Variants in KIAA1549L observed in about 807,000 individuals in gnomAD.
KIAA1549L encodes the protein UPF0606 protein KIAA1549L.
KIAA1549L carries 88 observed loss-of-function variants against 160.7 expected under a neutral mutation model. The observed-to-expected ratio is 0.55, with a 90% CI of 0.46 to 0.65. The LOEUF (loss-of-function observed/expected upper bound fraction) is 0.65. KIAA1549L is among the 30% of genes least tolerant of loss of function. KIAA1549L has a pLI of 0.00. For missense variants in KIAA1549L, 2,258 were observed against 2,437.5 expected, an observed-to-expected ratio of 0.93 and a Z score of 1.55; for synonymous variants, 950 against 976.7, an observed-to-expected ratio of 0.97 and a Z score of 0.51.
At position 33,543,512 on chromosome 11, in the gene KIAA1549L, A is replaced by G. The variant is rs775277114; in HGVS notation, c.1949A>G (p.Glu650Gly). 1.2e-6 allele frequency: 2 copies of G among 1,614,046 alleles called. No individual in the cohort carries two copies. Among genetic ancestry groups the G allele is most frequent in the Non-Finnish European group, 1.7e-6 (2 of 1,179,894 alleles). The change falls in exon 2 of 21, where the codon GAG becomes GGG. Residue 650 changes from glutamate (E) to glycine (G), a missense_variant. Around this residue, in one of 6 missense-constraint regions of KIAA1549L, gnomAD observed 11 missense variants for 29.9 expected, o/e 0.37. Coordinates refer to ENST00000658780, the MANE Select transcript of KIAA1549L (RefSeq NM_012194.3). ...PSLGFSSTKP[E>G]AYAAAVDHSG... ...CTTGGCTTTTCCAGCACCAAGCCAG[A>G]GGCTTATGCAGCTGCTGTGGACCAT... is the stretch of plus-strand genomic sequence containing the variant.
intron 8 of KIAA1549L, among the ~76,000 whole-genome samples, chr11:33,565,697 C>T (rs569675427): frequency 2.0e-5 from 3 of 146,502 alleles, no homozygotes; most frequent in South Asian, 2.2e-4. Context: ...CTGGCACTTC[C>T]GTGGAGGCTT....
chr11:33,552,222 A>G lies in KIAA1549L; in HGVS notation c.3836A>G (p.Lys1279Arg). ...QDAERKVLNT[K>R]SNLTIQIVST... ...GCCGAGAGGAAAGTCCTGAATACCA[A>G]AAGCAACTTGACAATTCAGGTAGGG... The change falls in exon 6 of 21, where the codon AAA (lysine) becomes AGA (arginine). Residue 1279 changes from lysine (K) to arginine (R), a missense_variant. This residue lies in a region of KIAA1549L where 1,359 missense variants were observed against 1,546.6 expected (regional missense o/e 0.88). Transcript: ENST00000658780. 1 of 1,603,994 alleles carries G rather than the reference A, an allele frequency of 6.2e-7. No individual in the cohort carries two copies. Among genetic ancestry groups the G allele is most frequent in the South Asian group, 1.1e-5 (1 of 88,872 alleles).
At chr11:33,591,095 G>T in intron 11 of KIAA1549L, 142 bp from the exon 12 acceptor site, 3 of 665,786 alleles carry the variant, frequency 4.5e-6, no homozygotes, top group Non-Finnish European at 8.0e-6. Context: ...CGGAAATAAT[G>T]ATGGGGATTT....
chr11:33,587,544 T>A (rs1225044774), intron 11 of KIAA1549L, among the ~76,000 whole-genome samples: 1 of 152,206 alleles, frequency 6.6e-6, no homozygotes, highest in African/African-American at 2.4e-5. Flanking sequence ...TGTTGGAGGA[T>A]GAGATGAGAT....
At chr11:33,496,301 A>G (rs950968071) in intron 1 of KIAA1549L, among the ~76,000 whole-genome samples, 2 of 152,128 alleles carry the variant, frequency 1.3e-5, no homozygotes, top group Non-Finnish European at 2.9e-5. Context: ...ACCCACAGGC[A>G]AACAACCCTT....
chr11:33,477,542 C>T (rs926821031), intron 1 of KIAA1549L, among the ~76,000 whole-genome samples: 2 of 150,552 alleles, frequency 1.3e-5, no homozygotes, highest in East Asian at 2.0e-4. Flanking sequence ...CACACACACA[C>T]GACACTACCC....
intron 1 of KIAA1549L, among the ~76,000 whole-genome samples, chr11:33,454,708 G>A (rs1399962761): frequency 6.6e-6 from 1 of 152,112 alleles, no homozygotes; most frequent in African/African-American, 2.4e-5. Flanking sequence ...AATGTCTAAA[G>A]CAGTGCCATT....
chr11:33,441,132 C>T (rs1851494730), intron 1 of KIAA1549L, among the ~76,000 whole-genome samples: 1 of 148,818 alleles, frequency 6.7e-6, no homozygotes, highest in Non-Finnish European at 1.5e-5. Flanking sequence ...CATGTGTTCT[C>T]ATTGTTCAGT....
At chr11:33,643,704 C>A (rs1246361245) in intron 16 of KIAA1549L, among the ~76,000 whole-genome samples, 1 of 152,166 alleles carries the variant, frequency 6.6e-6, no homozygotes, top group Non-Finnish European at 1.5e-5. Context: ...TCTGCCATTG[C>A]CTGCTTCTGC....
In KIAA1549L at chr11:33,551,183, C is replaced by A. The variant is rs368277884; in HGVS notation, c.3645C>A (p.Thr1215=). 6.2e-7 allele frequency: 1 copy of A among 1,613,884 alleles called. No individual in the cohort carries two copies. Among genetic ancestry groups the A allele is most frequent in the South Asian group, 1.1e-5 (1 of 91,070 alleles). Reference sequence around the variant, plus strand: ...TCACTGCAGACCTGAAGCAACACACCCCACACTTACAGTCTGTGGCAGTAC... The same window carrying A: ...TCACTGCAGACCTGAAGCAACACACACCACACTTACAGTCTGTGGCAGTAC... ...SNVTADLKQH[T]PHLQSVAVLA... is the part of the protein sequence containing the mutation. The change falls in exon 5 of 21, where the codon ACC becomes ACA. Residue 1215 remains threonine, a synonymous_variant. Coordinates refer to ENST00000658780, the MANE Select transcript of KIAA1549L (RefSeq NM_012194.3).
chr11:33,451,883 T>TA (rs1304920233), intron 1 of KIAA1549L, among the ~76,000 whole-genome samples: 3 of 152,204 alleles, frequency 2.0e-5, no homozygotes. Flanking sequence ...CAAGACCAAT[T>TA]AGCTGTCATT....
chr11:33,403,344 C>CA (rs1491131023), intron 1 of KIAA1549L: 2 of 43,104 alleles, frequency 4.6e-5, no homozygotes, highest in African/African-American at 7.4e-5. Flanking sequence ...CATGCAGACA[C>CA]GCAGACAGAC....
chr11:33,396,116 C>G (rs1850368379), intron 1 of KIAA1549L, among the ~76,000 whole-genome samples: 1 of 152,080 alleles, frequency 6.6e-6, no homozygotes, highest in Admixed American at 6.6e-5. Flanking sequence ...ACCAGATAGC[C>G]TAAAGACCTC....
intron 1 of KIAA1549L, among the ~76,000 whole-genome samples, chr11:33,447,548 G>GTGCA (rs1851638379): frequency 8.2e-6 from 1 of 121,894 alleles, no homozygotes; most frequent in Admixed American, 1.1e-4. Flanking sequence ...CCACCCATGC[G>GTGCA]TGCATGCATG....
At chr11:33,522,157 G>A (rs1590308026) in intron 1 of KIAA1549L, among the ~76,000 whole-genome samples, 2 of 152,204 alleles carry the variant, frequency 1.3e-5, no homozygotes, top group East Asian at 3.9e-4. Context: ...GAGTTTGGAT[G>A]TTCTAAAGGG....
At chr11:33,548,737 T>A (rs776230097) in intron 4 of KIAA1549L, among the ~76,000 whole-genome samples, 30 of 152,208 alleles carry the variant, frequency 2.0e-4, no homozygotes, top group Non-Finnish European at 4.0e-4. Context: ...ATCTTTGGGT[T>A]TGATTCCAAG....
chr11:33,385,230 T>C (rs3898926), intron 1 of KIAA1549L, among the ~76,000 whole-genome samples: 61,781 of 152,032 alleles, frequency 0.41, 14,658 homozygotes, highest in Non-Finnish European at 0.53. Context: ...CCTTGGTCCA[T>C]TGACTTATCT....
rs1854046134 is a variant in KIAA1549L, at chr11:33,542,317, G to C, written c.754G>C (p.Ala252Pro). Reference sequence around the variant, plus strand: ...CCCTCTACCTCCATCCTCTTCATTGGCTCCTGACTCACCTCATTCCATCAT... The same window carrying C: ...CCCTCTACCTCCATCCTCTTCATTGCCTCCTGACTCACCTCATTCCATCAT... ...LLPLPPSSSL[A>P]PDSPHSIISE... Residue 252 changes from alanine (A) to proline (P), a missense_variant, in exon 2 of 21, where the codon GCT (alanine) becomes CCT (proline). Coordinates refer to ENST00000658780, the MANE Select transcript of KIAA1549L (RefSeq NM_012194.3). 6.0e-6 allele frequency: 4 copies of C among 672,184 alleles called. No homozygotes were observed. Among genetic ancestry groups the C allele is most frequent in the Non-Finnish European group, 7.8e-6 (3 of 384,348 alleles). The allele number at this position is 672,184 out of a possible 1,614,324, so 41.6% of individuals were successfully genotyped here.
intron 12 of KIAA1549L, among the ~76,000 whole-genome samples, chr11:33,595,244 C>A (rs182090873): frequency 2.0e-5 from 3 of 151,950 alleles, no homozygotes; most frequent in Admixed American, 2.0e-4. Context: ...TTTTCTTTTT[C>A]GAGACAGAGT....
Sources: allele counts gnomAD v4.1 joint callset (sites outside exome capture counted in the v4.1 genomes callset), GRCh38; gene constraint gnomAD v4.1.1; regional missense constraint gnomAD v4.1.1; transcripts MANE v1.5; gene names NCBI Gene and HGNC (gene_info 2026-07-23, HGNC 2026-07-21).